Variants in TRAPPC9 observed in about 807,000 individuals in gnomAD.
TRAPPC9 encodes trafficking protein particle complex subunit 9.
Under a neutral mutation model 124.0 loss-of-function variants are expected in TRAPPC9, and 83 were observed. The observed-to-expected ratio is 0.67, with a 90% CI of 0.56 to 0.80. The LOEUF is 0.80. Ranked by LOEUF, TRAPPC9 falls within the 30% of genes least tolerant of loss-of-function variation. TRAPPC9 has a pLI of 0.00. For missense variants in TRAPPC9, 1,302 were observed against 1,508.3 expected (o/e 0.86, Z 2.27); for synonymous variants, 638 against 617.5 (o/e 1.03, Z -0.49).
intron 18 of TRAPPC9, among the ~76,000 whole-genome samples, chr8:140,001,770 C>T (rs930116808): frequency 6.6e-6 from 1 of 152,188 alleles, no homozygotes; most frequent in African/African-American, 2.4e-5. Context: ...CACTTATCCA[C>T]TGCTAGTAGT....
intron 17 of TRAPPC9, among the ~76,000 whole-genome samples, chr8:140,108,358 C>T (rs552374456): frequency 6.6e-6 from 1 of 152,368 alleles, no homozygotes; most frequent in Non-Finnish European, 1.5e-5. Flanking sequence ...ATGGGCAACA[C>T]TTGCTCAATT....
chr8:140,138,871 G>T (rs996133158), intron 17 of TRAPPC9, among the ~76,000 whole-genome samples: 1 of 152,268 alleles, frequency 6.6e-6, no homozygotes, highest in Non-Finnish European at 1.5e-5. Flanking sequence ...CCCTGATCTA[G>T]GGAGTGGCCA....
At chr8:139,801,712 G>A (rs949903314) in intron 21 of TRAPPC9, among the ~76,000 whole-genome samples, 2 of 152,208 alleles carry the variant, frequency 1.3e-5, no homozygotes, top group Admixed American at 1.3e-4. Context: ...GACGGGACCT[G>A]CCAGGAATCC....
intron 9 of TRAPPC9, among the ~76,000 whole-genome samples, chr8:140,348,124 G>A (rs753808665): frequency 5.9e-5 from 9 of 152,206 alleles, no homozygotes; most frequent in Admixed American, 6.5e-5. Context: ...TTTCCGAGGC[G>A]CTGGGACGCC....
At chr8:139,827,541 C>A (rs968668963) in intron 21 of TRAPPC9, among the ~76,000 whole-genome samples, 3 of 152,194 alleles carry the variant, frequency 2.0e-5, no homozygotes, top group Non-Finnish European at 4.4e-5. Flanking sequence ...AGCTGGGATG[C>A]AAGCACAAAG....
At chr8:140,027,960 G>A (rs1034447929) in intron 17 of TRAPPC9, among the ~76,000 whole-genome samples, 8 of 152,056 alleles carry the variant, frequency 5.3e-5, no homozygotes, top group African/African-American at 1.9e-4. Flanking sequence ...CTCGACACGT[G>A]GGGATTATGG....
At position 140,360,198 on chromosome 8, in the gene TRAPPC9, G is replaced by A. The variant is rs376013888; in HGVS notation, c.1352-5C>T. On this transcript the variant is annotated splice_polypyrimidine_tract_variant and splice_region_variant and intron_variant, in intron 8 of 22. Coordinates refer to ENST00000438773, the MANE Select transcript of TRAPPC9 (RefSeq NM_001160372.4). ...CAGCCCAGCCTCTGTGCGTGCCTGC[G>A]ATGGAAGTTACAAAACATCACAAAA... is the stretch of plus-strand genomic sequence containing the variant. 29 of 1,614,018 alleles carry A rather than the reference G, an allele frequency of 1.8e-5. No individual in the cohort carries two copies. Among genetic ancestry groups the A allele is most frequent in the Admixed American group, 3.3e-5 (2 of 60,004 alleles).
chr8:140,398,928 C>T (rs895768196), intron 6 of TRAPPC9, among the ~76,000 whole-genome samples: 9 of 152,212 alleles, frequency 5.9e-5, no homozygotes, highest in East Asian at 1.9e-4. Flanking sequence ...TTTCGTGGGC[C>T]GGGCCCAGGG....
intron 17 of TRAPPC9, among the ~76,000 whole-genome samples, chr8:140,075,421 C>T (rs1214554679): frequency 2.0e-5 from 3 of 152,172 alleles, no homozygotes; most frequent in Admixed American, 2.0e-4. Flanking sequence ...AATGTCAGAC[C>T]TCAACTCTGT....
rs1821339530 is a variant in TRAPPC9, at chr8:139,776,008, C to G, written c.3056-43806G>C. ...GGCAGCCCCTGGGCCAGCCTCCCAG[C>G]TTCTGTTGCTTCTGGCTCTGAGCTG... On this transcript the variant is annotated intron_variant, in intron 21 of 22. Transcript: ENST00000438773. The surrounding 1 kb of genome is among the most constrained non-coding windows in gnomAD (Gnocchi z 4.1). 6.6e-6 allele frequency among the ~76,000 whole-genome samples: 1 copy of G among 152,198 alleles called. No individual in the cohort carries two copies. Among genetic ancestry groups the G allele is most frequent in the African/African-American group, 2.4e-5 (1 of 41,440 alleles).
At chr8:139,731,950 C>T in intron 22 of TRAPPC9, 29 bp downstream of exon 22, 2 of 1,551,250 alleles carry the variant, frequency 1.3e-6, no homozygotes, top group Non-Finnish European at 8.7e-7. Flanking sequence ...GCCAGAGGCT[C>T]CCAGACCGCC....
chr8:139,771,294 C>T (rs957691126), intron 21 of TRAPPC9, among the ~76,000 whole-genome samples: 5 of 152,138 alleles, frequency 3.3e-5, no homozygotes, highest in Non-Finnish European at 4.4e-5. Context: ...AGAACGGTGC[C>T]GCCCAGCACT....
intron 19 of TRAPPC9, among the ~76,000 whole-genome samples, chr8:139,936,202 A>G (rs1466671405): frequency 6.6e-6 from 1 of 152,252 alleles, no homozygotes; most frequent in Admixed American, 6.5e-5. Flanking sequence ...ACAGGCCAAC[A>G]AACCGTCTAG....
At chr8:139,821,829 A>G (rs1028808008) in intron 21 of TRAPPC9, among the ~76,000 whole-genome samples, 1 of 152,236 alleles carries the variant, frequency 6.6e-6, no homozygotes, top group African/African-American at 2.4e-5. Context: ...TTCGTGTGCC[A>G]TAATAGCCTG....
chr8:139,998,077 T>C (rs1050624304), intron 18 of TRAPPC9, among the ~76,000 whole-genome samples: 82 of 152,050 alleles, frequency 5.4e-4, no homozygotes, highest in African/African-American at 1.8e-3. Context: ...CAATGCATCC[T>C]ACACAGGGGA....
At chr8:139,947,363 G>C (rs1834296374) in intron 19 of TRAPPC9, among the ~76,000 whole-genome samples, 1 of 152,146 alleles carries the variant, frequency 6.6e-6, no homozygotes, top group African/African-American at 2.4e-5. Flanking sequence ...CAGGCTGCAG[G>C]AAAAGCAATG....
chr8:139,774,793 G>T (rs1005803660), intron 21 of TRAPPC9, among the ~76,000 whole-genome samples: 1 of 152,226 alleles, frequency 6.6e-6, no homozygotes, highest in African/African-American at 2.4e-5. Flanking sequence ...AATCTCTCCA[G>T]TGGACAGGTA....
At chr8:139,849,360 G>T (rs1241461168) in intron 21 of TRAPPC9, among the ~76,000 whole-genome samples, 1 of 152,154 alleles carries the variant, frequency 6.6e-6, no homozygotes, top group Non-Finnish European at 1.5e-5. Context: ...TCTACTCAGG[G>T]GCCAGCAGCG....
intron 9 of TRAPPC9, among the ~76,000 whole-genome samples, chr8:140,319,873 C>A (rs2066547918): frequency 6.6e-6 from 1 of 152,142 alleles, no homozygotes; most frequent in South Asian, 2.1e-4. Flanking sequence ...TGATTTACGG[C>A]CATTTAAATG....
Sources: gnomAD v4.1 joint callset for allele counts (sites outside exome capture counted in the v4.1 genomes callset) on GRCh38, gnomAD v4.1.1 for gene constraint, Gnocchi (gnomAD v3.1) non-coding constraint, MANE v1.5 for transcripts, NCBI Gene and HGNC (gene_info 2026-07-23, HGNC 2026-07-21) for gene names.